Variants in CSF2RA observed in about 807,000 individuals in gnomAD.
The protein encoded by CSF2RA is granulocyte-macrophage colony-stimulating factor receptor subunit alpha.
CSF2RA carries 42 observed loss-of-function variants against 51.6 expected under a neutral mutation model. That is an observed-to-expected ratio of 0.81 (90% CI 0.64 to 1.05). CSF2RA has a LOEUF of 1.05. Ranked by LOEUF, CSF2RA falls within the 50% of genes least tolerant of loss-of-function variation. The pLI is 0.00. For synonymous variants in CSF2RA, 222 were observed against 193.0 expected (o/e 1.15, Z -1.24); for missense variants, 530 against 501.1 (o/e 1.06, Z -0.55).
At chrX:1,314,162 C>G (rs2084307333), downstream of CSF2RA, among the ~76,000 whole-genome samples, 1 of 152,022 alleles carries the variant, frequency 6.6e-6, no homozygotes, top group Admixed American at 6.6e-5. Flanking sequence ...AATGGGTGGG[C>G]AGAGGCTGTC....
rs1353342189 is a variant in CSF2RA at position 1,281,027 on chromosome X, CCTCCTCCTCATTCTCCTCCTGCTCCCCTT to C, written c.-26-1641_-26-1613del. On this transcript the variant is annotated intron_variant, in intron 2 of 12. Coordinates refer to ENST00000381529, the MANE Select transcript of CSF2RA (RefSeq NM_172245.4). ...TCCTCCTTCTCCTCCTCCTCCTTCT[CCTCCTCCTCATTCTCCTCCTGCTCCCCTT>C]CTCCTCCTCCTTCTCCTCCTCCTCC... Among the ~76,000 whole-genome samples the C allele has an allele frequency of 6.8e-4, 62 of 91,802 alleles. 1 individual carries two copies. Among genetic ancestry groups the C allele is most frequent in the Non-Finnish European group, 9.4e-4 (38 of 40,358 alleles). 60.2% of individuals were successfully genotyped at this position (91,802 alleles called of 152,430 possible). A position where few individuals can be genotyped will look rare whatever the true frequency, so the allele number is the denominator to read the frequency against.
In CSF2RA at chrX:1,301,859, G is replaced by T. The variant is rs764163236; in HGVS notation, c.946+1233G>T. On this transcript the variant is annotated intron_variant, in intron 10 of 12. Coordinates refer to ENST00000381529, the MANE Select transcript of CSF2RA (RefSeq NM_172245.4). Reference sequence around the variant, plus strand: ...CTGACCTCGTGATCCGCCCACCTCGGCCTCCCAAAGTGCTGGGATTACAGG... The same window carrying T: ...CTGACCTCGTGATCCGCCCACCTCGTCCTCCCAAAGTGCTGGGATTACAGG... Among the ~76,000 whole-genome samples the T allele has an allele frequency of 1.2e-3, 182 of 146,762 alleles. 1 individual carries two copies. The highest frequency in any genetic ancestry group is 4.4e-3 in the African/African-American group (174 of 39,710).
chrX:1,305,878 C>G (rs1432408323), intron 12 of CSF2RA: 2 of 1,247,282 alleles, frequency 1.6e-6, no homozygotes. Context: ...GTCAGAGGTT[C>G]GAGACCAGCC....
the CSF2RA span, among the ~76,000 whole-genome samples, chrX:1,320,102 A>G: frequency 6.6e-6 from 1 of 151,828 alleles, no homozygotes; most frequent in Non-Finnish European, 1.5e-5. Flanking sequence ...TCACCATGTT[A>G]GCCAGGATGG....
At chrX:1,286,007 T>G (rs2090604867) in intron 4 of CSF2RA, 87 bp downstream of exon 4, 1 of 1,548,426 alleles carries the variant, frequency 6.5e-7, no homozygotes, top group South Asian at 1.1e-5. Flanking sequence ...GCGCGGCGGC[T>G]CACGCCTGTC....
chrX:1,303,505 G>A, intron 10 of CSF2RA: 1 of 484,374 alleles, frequency 2.1e-6, no homozygotes. Flanking sequence ...CTCCCAAAGT[G>A]CTGGGATGAC....
At chrX:1,318,200 G>C in the CSF2RA span, among the ~76,000 whole-genome samples, 1 of 147,436 alleles carries the variant, frequency 6.8e-6, no homozygotes, top group South Asian at 2.1e-4. Flanking sequence ...TTTCATTCTA[G>C]TTGCCCAGGT....
At position 1,285,865 on chromosome X, in the gene CSF2RA, C is replaced by G. The variant is rs767617357; in HGVS notation, c.164C>G (p.Thr55Arg). ...TTAAGCTGGGACTGCCAAGAAAACA[C>G]AACCTTCAGCAAGTGTTTCTTAACT... The part of the protein sequence containing the change: ...MNLSWDCQEN[T>R]TFSKCFLTDK... Residue 55 changes from threonine to arginine, a missense_variant, in exon 4 of 13, where the codon ACA (threonine) becomes AGA (arginine). Thr to Arg is a moderately conservative substitution (Grantham distance 71). Transcript: ENST00000381529. 6.2e-7 allele frequency: 1 copy of G among 1,613,926 alleles called. No individual in the cohort carries two copies. The highest frequency in any genetic ancestry group is 8.5e-7 in the Non-Finnish European group (1 of 1,179,860).
At chrX:1,282,425 C>T (rs1252976081) in intron 2 of CSF2RA, 2 of 583,156 alleles carry the variant, frequency 3.4e-6, no homozygotes, top group Non-Finnish European at 3.1e-6. Flanking sequence ...TGAGCCATGA[C>T]CCATGAACCA....
chrX:1,287,290 AT>A (rs2090818371), intron 4 of CSF2RA: 1 of 149,216 alleles, frequency 6.7e-6, no homozygotes, highest in Non-Finnish European at 1.5e-5. Context: ...AGTAGCTGGG[AT>A]TACAGGTGCG....
chrX:1,295,215 G>T (rs2148500831), intron 8 of CSF2RA, among the ~76,000 whole-genome samples: 1 of 109,476 alleles, frequency 9.1e-6, no homozygotes, highest in African/African-American at 3.4e-5. Context: ...ATGGGTTACA[G>T]GAAGATATCT....
chrX:1,282,766 C>T lies in CSF2RA; in HGVS notation c.63C>T (p.Ile21=). Residue 21 remains isoleucine (I), a synonymous_variant, in exon 3 of 13, where the codon ATC becomes ATT. Transcript: ENST00000381529. ...CELPHPAFLL[I]PEKSDLRTVA... is the part of the protein sequence containing the mutation. ...TACCACACCCAGCATTCCTCCTGAT[C>T]CCAGAGAAATCGGGTAAGTATGGAA... The T allele has an allele frequency of 6.2e-7, 1 of 1,613,658 alleles. No individual in the cohort carries two copies. Among genetic ancestry groups the T allele is most frequent in the Non-Finnish European group, 8.5e-7 (1 of 1,179,648 alleles).
rs775600875 is a variant in CSF2RA at position 1,305,421 on chromosome X, T to G, written c.1044-25T>G. On this transcript the variant is annotated intron_variant, in intron 11 of 12. Coordinates refer to ENST00000381529, the MANE Select transcript of CSF2RA (RefSeq NM_172245.4). ...CTCTGGTGACCCGGGGTTCATTCTC[T>G]TCACACTTTTTCTCTGTGTCTCAGG... 4.6e-5 allele frequency: 74 copies of G among 1,613,834 alleles called. No homozygotes were observed. The South Asian group carries it at 7.5e-4, about 16-fold the overall frequency.
chrX:1,281,096 C>CG (rs1457906197), intron 2 of CSF2RA, among the ~76,000 whole-genome samples: 1 of 35,728 alleles, frequency 2.8e-5, no homozygotes, highest in Non-Finnish European at 5.5e-5. Context: ...CCTCCTGCTC[C>CG]CCTTCTCCTC....
At chrX:1,281,698 T>G (rs2090091160) in intron 2 of CSF2RA, among the ~76,000 whole-genome samples, 1 of 152,048 alleles carries the variant, frequency 6.6e-6, no homozygotes, top group African/African-American at 2.4e-5. Context: ...ACTGTTTCCA[T>G]GATTTTGTCT....
At chrX:1,301,884 GCGTGAGCCAC>G (rs1236732633) in intron 10 of CSF2RA, among the ~76,000 whole-genome samples, 2 of 148,556 alleles carry the variant, frequency 1.3e-5, no homozygotes, top group Non-Finnish European at 3.0e-5. Flanking sequence ...GGGATTACAG[GCGTGAGCCAC>G]CGTGCCCGGC....
the CSF2RA span, among the ~76,000 whole-genome samples, chrX:1,324,555 GAAAGA>G: frequency 2.7e-5 from 4 of 145,720 alleles, no homozygotes; most frequent in African/African-American, 1.0e-4. Context: ...GGAAAGAAAG[GAAAGA>G]AAAGAAGGAA....
Position 1,306,412 on chromosome X carries a change from C to T in CSF2RA, c.1125+885C>T, listed in dbSNP as rs184508166. On this transcript the variant is annotated intron_variant, in intron 12 of 12. Transcript: ENST00000381529. ...CTGTCATCCCAGCACTTTGGGAGGC[C>T]GAGGCGGGTGGATCACTTGAGGTCG... 2.3e-3 allele frequency among the ~76,000 whole-genome samples: 343 copies of T among 151,948 alleles called. 3 individuals carry two copies. Among genetic ancestry groups the T allele is most frequent in the African/African-American group, 7.7e-3 (320 of 41,456 alleles).
At chrX:1,319,302 T>C in the CSF2RA span, among the ~76,000 whole-genome samples, 11 of 148,742 alleles carry the variant, frequency 7.4e-5, no homozygotes, top group African/African-American at 2.7e-4. Flanking sequence ...GGCCTCCTTT[T>C]TAAATTTTTG....
Sources: allele counts gnomAD v4.1 joint callset (sites outside exome capture counted in the v4.1 genomes callset), GRCh38; gene constraint gnomAD v4.1.1; transcripts MANE v1.5; gene names NCBI Gene and HGNC (gene_info 2026-07-23, HGNC 2026-07-21).